The following EPHB1 variants were observed in gnomAD, a reference collection of about 807,000 sequenced individuals.
EPHB1 encodes the protein ephrin type-B receptor 1.
A neutral mutation model predicts 94.4 loss-of-function variants in EPHB1; 30 were observed. The observed-to-expected ratio is 0.32, with a 90% CI of 0.24 to 0.43. The LOEUF is 0.43. Among genes scored for constraint, EPHB1 ranks in the 20% least tolerant of loss-of-function variants. The pLI, the probability that EPHB1 is intolerant of heterozygous loss-of-function variation, is 1.00. For missense variants in EPHB1, 1,055 were observed against 1,308.3 expected (o/e 0.81, Z 2.99); for synonymous variants, 522 against 489.1 (o/e 1.07, Z -0.89).
intron 1 of EPHB1, among the ~76,000 whole-genome samples, chr3:134,883,156 A>T (rs1231414073): frequency 1.3e-5 from 2 of 152,198 alleles, no homozygotes; most frequent in African/African-American, 4.8e-5. Context: ...GAATGGGAAT[A>T]TGAAAGGTCC....
chr3:135,097,471 C>T (rs1364748192), intron 3 of EPHB1, among the ~76,000 whole-genome samples: 2 of 152,306 alleles, frequency 1.3e-5, no homozygotes, highest in Non-Finnish European at 2.9e-5. Flanking sequence ...TCCCTTGAGA[C>T]ACTGCTCTTC....
intron 1 of EPHB1, among the ~76,000 whole-genome samples, chr3:134,867,484 C>T (rs954030692): frequency 4.6e-5 from 7 of 152,096 alleles, no homozygotes; most frequent in African/African-American, 1.7e-4. Flanking sequence ...TAGGAGGCTG[C>T]TCCAGTGAGC....
intron 3 of EPHB1, among the ~76,000 whole-genome samples, chr3:135,092,164 C>A (rs980278725): frequency 6.6e-6 from 1 of 152,184 alleles, no homozygotes; most frequent in Non-Finnish European, 1.5e-5. Context: ...AGAACACTGG[C>A]AGCCGGGCAC....
intron 2 of EPHB1, among the ~76,000 whole-genome samples, chr3:134,939,988 C>G (rs1316632270): frequency 6.6e-6 from 1 of 152,200 alleles, no homozygotes; most frequent in Non-Finnish European, 1.5e-5. Flanking sequence ...GAGCTGGTGG[C>G]TGACAGTGGT....
At chr3:134,974,570 C>T (rs1479038191) in intron 3 of EPHB1, among the ~76,000 whole-genome samples, 1 of 151,556 alleles carries the variant, frequency 6.6e-6, no homozygotes, top group African/African-American at 2.4e-5. Flanking sequence ...CCCACCCCTG[C>T]CCCACCTCTT....
chr3:135,128,442 G>A (rs1940290665), intron 4 of EPHB1, among the ~76,000 whole-genome samples: 1 of 152,194 alleles, frequency 6.6e-6, no homozygotes, highest in Non-Finnish European at 1.5e-5. Flanking sequence ...GGGAGACTGA[G>A]CAGTCTACCT....
At chr3:135,062,941 G>C (rs561167646) in intron 3 of EPHB1, among the ~76,000 whole-genome samples, 1 of 152,186 alleles carries the variant, frequency 6.6e-6, no homozygotes, top group Admixed American at 6.5e-5. Context: ...GTTGAAAAGG[G>C]TGTCCTTTCC....
At chr3:134,988,415 T>C (rs1934676393) in intron 3 of EPHB1, among the ~76,000 whole-genome samples, 1 of 152,218 alleles carries the variant, frequency 6.6e-6, no homozygotes, top group Admixed American at 6.5e-5. Context: ...GCAGACTATA[T>C]ATTTTTTTTC....
Position 135,253,561 on chromosome 3 carries a change from C to A in EPHB1, c.2846+4070C>A, listed in dbSNP as rs1304661133. 4.6e-5 allele frequency among the ~76,000 whole-genome samples: 7 copies of A among 151,126 alleles called. No homozygotes were observed. In the East Asian group the frequency reaches 1.2e-3, roughly 25 times the overall value. On this transcript the variant is annotated intron_variant, in intron 15 of 15. Transcript: ENST00000398015. ...TATTTCTGAGGGCTCTGTTCTGTTC[C>A]ATTGATCTATATCTCTGTTTTGGTA...
intron 1 of EPHB1, among the ~76,000 whole-genome samples, chr3:134,870,826 C>T (rs2037484290): frequency 6.6e-6 from 1 of 152,362 alleles, no homozygotes. Context: ...TCCCTCTTAG[C>T]CATGTCTGCC....
At chr3:135,203,856 A>C (rs1257457426) in intron 12 of EPHB1, among the ~76,000 whole-genome samples, 1 of 151,984 alleles carries the variant, frequency 6.6e-6, no homozygotes, top group Non-Finnish European at 1.5e-5. Context: ...AAACATTCAC[A>C]CTCTACCAGG....
At chr3:135,122,019 C>T (rs1434819785) in intron 4 of EPHB1, among the ~76,000 whole-genome samples, 1 of 152,154 alleles carries the variant, frequency 6.6e-6, no homozygotes, top group Non-Finnish European at 1.5e-5. Context: ...AGCACAATGC[C>T]TGGCCATCTC....
rs147677468 is a variant in EPHB1, at chr3:135,062,863, T to C, written c.806-43585T>C. 2.6e-4 allele frequency among the ~76,000 whole-genome samples: 39 copies of C among 152,366 alleles called. No individual in the cohort carries two copies. The East Asian group carries it at 7.5e-3, about 29-fold the overall frequency. On this transcript the variant is annotated intron_variant, in intron 3 of 15. Transcript: ENST00000398015. ...AATCCATCTTGAGTTGATTTTTGTGTAAAGTGACAGATGAGGATCCAGCTT... is the reference window on the plus strand; with the variant it reads ...AATCCATCTTGAGTTGATTTTTGTGCAAAGTGACAGATGAGGATCCAGCTT...
chr3:134,908,497 T>C (rs767213101), intron 1 of EPHB1, among the ~76,000 whole-genome samples: 3 of 152,226 alleles, frequency 2.0e-5, no homozygotes, highest in Non-Finnish European at 2.9e-5. Flanking sequence ...TGGAGGGCAA[T>C]AGGGCTTTTG....
At chr3:134,864,093 A>G (rs2037321976) in intron 1 of EPHB1, among the ~76,000 whole-genome samples, 1 of 152,192 alleles carries the variant, frequency 6.6e-6, no homozygotes, top group African/African-American at 2.4e-5. Context: ...AACAACAGAG[A>G]CGATGGTTCA....
intron 3 of EPHB1, among the ~76,000 whole-genome samples, chr3:134,997,062 TTTTAA>T (rs1935018326): frequency 6.6e-6 from 1 of 152,194 alleles, no homozygotes; most frequent in Non-Finnish European, 1.5e-5. Context: ...ATGGCACAAT[TTTTAA>T]TTTAAGTATT....
intron 1 of EPHB1, among the ~76,000 whole-genome samples, chr3:134,906,466 A>C (rs543462838): frequency 6.6e-6 from 1 of 152,360 alleles, no homozygotes; most frequent in East Asian, 1.9e-4. Context: ...TGTACAATAA[A>C]ATAATGAATG....
At chr3:135,216,108 G>A (rs1459867455) in intron 12 of EPHB1, among the ~76,000 whole-genome samples, 1 of 152,150 alleles carries the variant, frequency 6.6e-6, no homozygotes, top group Non-Finnish European at 1.5e-5. Context: ...TTTTCACGGG[G>A]TGGCAACACC....
At chr3:134,821,607 T>C (rs2036382307) in intron 1 of EPHB1, among the ~76,000 whole-genome samples, 1 of 152,062 alleles carries the variant, frequency 6.6e-6, no homozygotes, top group African/African-American at 2.4e-5. Context: ...AAAGCTAAAA[T>C]ACTCAAAGGC....
Sources: allele counts gnomAD v4.1 joint callset (sites outside exome capture counted in the v4.1 genomes callset), GRCh38; gene constraint gnomAD v4.1.1; transcripts MANE v1.5; gene names NCBI Gene and HGNC (gene_info 2026-07-23, HGNC 2026-07-21).